DPF3: variants seen among roughly 807,000 people sequenced by gnomAD.
DPF3 encodes double PHD fingers 3.
Under a neutral mutation model 56.8 loss-of-function variants are expected in DPF3, and 18 were observed. That is an observed-to-expected ratio of 0.32 (90% CI 0.22 to 0.47). The LOEUF (loss-of-function observed/expected upper bound fraction) is 0.47. Among genes scored for constraint, DPF3 ranks in the 20% least tolerant of loss-of-function variants. DPF3 has a pLI of 1.00. For missense variants in DPF3, 403 were observed against 488.8 expected (o/e 0.82, Z 1.65); for synonymous variants, 188 against 180.2 (o/e 1.04, Z -0.35).
At chr14:72,838,819 G>A (rs1884415169) in intron 1 of DPF3, among the ~76,000 whole-genome samples, 1 of 147,400 alleles carries the variant, frequency 6.8e-6, no homozygotes, top group Non-Finnish European at 1.5e-5. Context: ...CAAAACTTAA[G>A]ACACAGAACT....
rs1485642055 is a variant in DPF3 at position 72,610,876 on chromosome 14, C to T, written c.*8421G>A. Among the ~76,000 whole-genome samples, 1 of 152,234 alleles carries T rather than the reference C, an allele frequency of 6.6e-6. No homozygotes were observed. ...AAGGGTCCAAGTCAGAGGCCTTTGC[C>T]TCACCCCTTCCACCAGCAGGGCCAT... On this transcript the variant is annotated 3_prime_UTR_variant, in exon 11 of 11. Coordinates refer to ENST00000556509, the MANE Select transcript of DPF3 (RefSeq NM_001280542.3).
chr14:72,861,794 AGAAAGAAAGAAG>A (rs1491268352), intron 1 of DPF3, among the ~76,000 whole-genome samples: 1 of 150,732 alleles, frequency 6.6e-6, no homozygotes, highest in South Asian at 2.1e-4. Context: ...AAAGAAAGAA[AGAAAGAAAGAAG>A]GAAAGAATTT....
chr14:72,683,190 G>C (rs554553212), intron 7 of DPF3, among the ~76,000 whole-genome samples: 16 of 152,042 alleles, frequency 1.1e-4, no homozygotes, highest in African/African-American at 3.1e-4. Context: ...AGCTGGGTGT[G>C]GTGGTGCACA....
intron 1 of DPF3, among the ~76,000 whole-genome samples, chr14:72,886,290 T>C (rs1353481943): frequency 6.6e-6 from 1 of 152,138 alleles, no homozygotes; most frequent in Non-Finnish European, 1.5e-5. Flanking sequence ...GAGAATCACT[T>C]GAACCTGGGA....
At chr14:72,843,993 A>G (rs1443028532) in intron 1 of DPF3, among the ~76,000 whole-genome samples, 1 of 152,232 alleles carries the variant, frequency 6.6e-6, no homozygotes, top group Non-Finnish European at 1.5e-5. Flanking sequence ...CCAAAGTCAC[A>G]CAGCTAATAA....
At chr14:72,680,602 G>A (rs1201809461) in intron 7 of DPF3, among the ~76,000 whole-genome samples, 2 of 152,268 alleles carry the variant, frequency 1.3e-5, no homozygotes, top group Non-Finnish European at 2.9e-5. Flanking sequence ...GAGCGGATGC[G>A]GAAGGCGCTG....
chr14:72,735,409 T>C (rs771093824), intron 3 of DPF3, among the ~76,000 whole-genome samples: 1 of 152,170 alleles, frequency 6.6e-6, no homozygotes, highest in Non-Finnish European at 1.5e-5. Context: ...TAAATATGCC[T>C]CCATCCTGCT....
rs1013992700 is a variant in DPF3, at chr14:72,892,550, G to C, written c.32+1507C>G. 1.7e-5 allele frequency: 24 copies of C among 1,382,646 alleles called. No individual in the cohort carries two copies. The African/African-American group carries it at 3.5e-4, about 20-fold the overall frequency. 85.6% of individuals were successfully genotyped at this position (1,382,646 alleles called of 1,614,324 possible). A position where few individuals can be genotyped will look rare whatever the true frequency, so the allele number is the denominator to read the frequency against. On this transcript the variant is annotated intron_variant, in intron 1 of 10. Transcript: ENST00000556509. ...GCGACGAGCTGGCGCAAACACGTCC[G>C]ATTCTCCCTGTGCATTCCTTTGCGT...
At chr14:72,720,808 A>C (rs1889138957) in intron 5 of DPF3, among the ~76,000 whole-genome samples, 1 of 152,224 alleles carries the variant, frequency 6.6e-6, no homozygotes, top group Admixed American at 6.5e-5. Context: ...GCTTGTGGAA[A>C]TGAAAGAAGT....
rs142663674 is a variant in DPF3 at position 72,879,619 on chromosome 14, G to A, written c.32+14438C>T. Among the ~76,000 whole-genome samples the A allele has an allele frequency of 2.4e-3, 364 of 152,234 alleles. 2 individuals carry two copies. The highest frequency in any genetic ancestry group is 8.0e-3 in the African/African-American group (331 of 41,530). Reference sequence around the variant, plus strand: ...CAGATGTGCATCAAGTGCGCCCAGGGACAGGGTGGAGGTGGAGGACAATCA... The same window carrying A: ...CAGATGTGCATCAAGTGCGCCCAGGAACAGGGTGGAGGTGGAGGACAATCA... On this transcript the variant is annotated intron_variant, in intron 1 of 10. Transcript: ENST00000556509.
At chr14:72,878,754 C>A (rs1886212441) in intron 1 of DPF3, among the ~76,000 whole-genome samples, 1 of 152,220 alleles carries the variant, frequency 6.6e-6, no homozygotes, top group South Asian at 2.1e-4. Flanking sequence ...CTTTATTTCT[C>A]AAGACCAAAG....
At chr14:72,798,821 C>T (rs1567236392) in intron 1 of DPF3, among the ~76,000 whole-genome samples, 2 of 152,216 alleles carry the variant, frequency 1.3e-5, no homozygotes, top group African/African-American at 4.8e-5. Flanking sequence ...AAATGGAAAT[C>T]CTTCATCTTG....
chr14:72,652,132 G>C (rs1885927317), intron 8 of DPF3, among the ~76,000 whole-genome samples: 1 of 152,164 alleles, frequency 6.6e-6, no homozygotes, highest in Non-Finnish European at 1.5e-5. Flanking sequence ...AGAGAACCTG[G>C]GGTAACGTGG....
At chr14:72,731,525 A>G in intron 4 of DPF3, 4 of 396,568 alleles carry the variant, frequency 1.0e-5, no homozygotes, top group Non-Finnish European at 1.9e-5. Flanking sequence ...TGTCCCTGGG[A>G]CCCTGCACAG....
At chr14:72,870,864 C>T (rs192328747) in intron 1 of DPF3, among the ~76,000 whole-genome samples, 69 of 152,246 alleles carry the variant, frequency 4.5e-4, no homozygotes, top group Non-Finnish European at 5.0e-4. Flanking sequence ...GGCTTGAGGC[C>T]AGGAGTCCAG....
chr14:72,689,344 T>C (rs1023775826), intron 7 of DPF3, among the ~76,000 whole-genome samples: 3 of 152,148 alleles, frequency 2.0e-5, no homozygotes, highest in Non-Finnish European at 4.4e-5. Flanking sequence ...TCCGCTCACA[T>C]GCAGCTTGGG....
At chr14:72,719,367 C>A (rs1420425367) in intron 5 of DPF3, among the ~76,000 whole-genome samples, 1 of 152,072 alleles carries the variant, frequency 6.6e-6, no homozygotes, top group African/African-American at 2.4e-5. Flanking sequence ...CCAGCCTACA[C>A]CCTTGCTATT....
At chr14:72,843,716 A>C (rs556059105) in intron 1 of DPF3, among the ~76,000 whole-genome samples, 2 of 151,916 alleles carry the variant, frequency 1.3e-5, no homozygotes, top group African/African-American at 4.8e-5. Context: ...CTAATTTTTT[A>C]TTTTTAGTAG....
intron 7 of DPF3, among the ~76,000 whole-genome samples, chr14:72,679,835 C>A (rs1887078833): frequency 6.6e-6 from 1 of 152,216 alleles, no homozygotes; most frequent in Admixed American, 6.5e-5. Flanking sequence ...AGACAGGCAG[C>A]CCAGGCCGGC....
Sources: gnomAD v4.1 joint callset for allele counts (sites outside exome capture counted in the v4.1 genomes callset) on GRCh38, gnomAD v4.1.1 for gene constraint, MANE v1.5 for transcripts, NCBI Gene and HGNC (gene_info 2026-07-23, HGNC 2026-07-21) for gene names.